TINAG: variants seen among roughly 807,000 people sequenced by gnomAD.
The protein encoded by TINAG is tubulointerstitial nephritis antigen.
TINAG carries 83 observed loss-of-function variants against 72.7 expected under a neutral mutation model. The observed-to-expected ratio is 1.14, with a 90% CI of 0.96 to 1.37. The LOEUF (loss-of-function observed/expected upper bound fraction) is 1.37. Ranked by LOEUF, TINAG falls within the 40% of genes most tolerant of loss-of-function variation. The probability of loss-of-function intolerance (pLI) is 0.00; values close to 1 mark genes in which losing one functional copy is unlikely to be tolerated. For synonymous variants in TINAG, 234 were observed against 189.9 expected (o/e 1.23, Z -1.91); for missense variants, 685 against 576.6 (o/e 1.19, Z -1.93).
intron 6 of TINAG, among the ~76,000 whole-genome samples, chr6:54,349,305 C>T (rs1439073915): frequency 2.0e-5 from 3 of 151,790 alleles, no homozygotes; most frequent in Admixed American, 6.6e-5. Flanking sequence ...TTTAATATCC[C>T]ATCTGGAAAT....
intron 9 of TINAG, among the ~76,000 whole-genome samples, chr6:54,367,895 T>C (rs1424898180): frequency 6.6e-6 from 1 of 151,780 alleles, no homozygotes; most frequent in Non-Finnish European, 1.5e-5. Context: ...TGTTCATAAA[T>C]GACTGTCTTG....
chr6:54,323,255 A>C (rs747088252), intron 3 of TINAG, among the ~76,000 whole-genome samples: 3 of 152,218 alleles, frequency 2.0e-5, no homozygotes, highest in Non-Finnish European at 4.4e-5. Flanking sequence ...ACATATAAAA[A>C]CCAAAGGAAA....
intron 9 of TINAG, among the ~76,000 whole-genome samples, chr6:54,371,991 T>TG (rs1554209023): frequency 2.1e-5 from 3 of 139,616 alleles, no homozygotes; most frequent in Non-Finnish European, 3.1e-5. Context: ...GTTTTTTTTT[T>TG]TTTTTTTTTT....
At chr6:54,380,156 C>CATTTTCTTT (rs1351859468) in intron 9 of TINAG, among the ~76,000 whole-genome samples, 37 of 152,116 alleles carry the variant, frequency 2.4e-4, no homozygotes, top group African/African-American at 8.9e-4. Context: ...ATATGTGCCA[C>CATTTTCTTT]ATTTTCTTTC....
intron 9 of TINAG, chr6:54,367,076 T>A (rs768318797): frequency 4.0e-5 from 6 of 151,814 alleles, no homozygotes; most frequent in Non-Finnish European, 7.4e-5. Flanking sequence ...TGTTTCTATA[T>A]TAACTTACAT....
intron 9 of TINAG, among the ~76,000 whole-genome samples, chr6:54,356,933 CA>C (rs1763061740): frequency 6.7e-6 from 1 of 150,208 alleles, no homozygotes; most frequent in South Asian, 2.1e-4. Flanking sequence ...AAAAAAACCT[CA>C]GCACTTTTTT....
chr6:54,330,478 C>T (rs1250603503), intron 4 of TINAG, among the ~76,000 whole-genome samples: 1 of 152,146 alleles, frequency 6.6e-6, no homozygotes, highest in Non-Finnish European at 1.5e-5. Flanking sequence ...AAATTTATAG[C>T]ATGTAATGTC....
At chr6:54,360,276 T>G (rs1225077997) in intron 9 of TINAG, among the ~76,000 whole-genome samples, 2 of 151,748 alleles carry the variant, frequency 1.3e-5, no homozygotes, top group Admixed American at 6.6e-5. Flanking sequence ...CATCCCCATT[T>G]TGAATGCTAT....
intron 4 of TINAG, among the ~76,000 whole-genome samples, chr6:54,341,335 G>A (rs966366068): frequency 2.0e-5 from 3 of 152,044 alleles, no homozygotes; most frequent in Admixed American, 1.3e-4. Flanking sequence ...AATGTATTCT[G>A]CCCCAACCCT....
chr6:54,309,201 C>T (rs186840487), intron 1 of TINAG, among the ~76,000 whole-genome samples: 99 of 152,200 alleles, frequency 6.5e-4, no homozygotes, highest in African/African-American at 2.2e-3. Flanking sequence ...ACTTTAAACT[C>T]TTTCTTCTGT....
At chr6:54,350,951 G>C (rs1785251219) in intron 7 of TINAG, among the ~76,000 whole-genome samples, 1 of 151,752 alleles carries the variant, frequency 6.6e-6, no homozygotes, top group African/African-American at 2.4e-5. Context: ...CCTCCCTACA[G>C]AGGGCTTCAT....
intron 3 of TINAG, among the ~76,000 whole-genome samples, chr6:54,322,947 A>G (rs1784525859): frequency 6.6e-6 from 1 of 152,252 alleles, no homozygotes; most frequent in Admixed American, 6.5e-5. Context: ...CTAGCTTTCC[A>G]CTGTTAACAA....
rs1784159733 is a variant in TINAG, at chr6:54,308,445, A to G, written c.-106A>G. ...AAGTAAAGGATCAGTTTCAGGGTTC[A>G]GGCTGAAGTGTCTTAATGACTAGAA... is the stretch of plus-strand genomic sequence containing the variant. On this transcript the variant is annotated 5_prime_UTR_variant, in exon 1 of 11. Transcript: ENST00000259782. 1 of 889,650 alleles carries G rather than the reference A, an allele frequency of 1.1e-6. No homozygotes were observed. The highest frequency in any genetic ancestry group is 2.8e-5 in the Admixed American group (1 of 35,798). The allele number at this position is 889,650 out of a possible 1,614,324, so 55.1% of individuals were successfully genotyped here. A position where few individuals can be genotyped will look rare whatever the true frequency, so the allele number is the denominator to read the frequency against.
intron 9 of TINAG, among the ~76,000 whole-genome samples, chr6:54,362,537 C>T (rs554176460): frequency 6.6e-6 from 1 of 151,600 alleles, no homozygotes; most frequent in African/African-American, 2.4e-5. Context: ...CACCTAAGAG[C>T]TCTGATGGAG....
intron 9 of TINAG, among the ~76,000 whole-genome samples, chr6:54,361,881 G>T (rs570753808): frequency 2.6e-4 from 39 of 151,724 alleles, no homozygotes; most frequent in African/African-American, 8.7e-4. Flanking sequence ...CTGGAAAGAA[G>T]ATCAAACAAG....
At chr6:54,347,279 A>G in intron 5 of TINAG, 88 bp from the exon 6 acceptor site, 2 of 1,314,796 alleles carry the variant, frequency 1.5e-6, no homozygotes, top group Non-Finnish European at 2.1e-6. Context: ...TTTAAAGACT[A>G]CGTTAGGGTT....
chr6:54,308,200 G>A (rs1217397020), upstream of TINAG: 59 of 1,349,868 alleles, frequency 4.4e-5, no homozygotes, highest in Middle Eastern at 1.8e-4. Flanking sequence ...GGAGGCTTTC[G>A]ATTTAAGAAC....
At chr6:54,323,757 C>T (rs969249961) in intron 3 of TINAG, among the ~76,000 whole-genome samples, 3 of 152,148 alleles carry the variant, frequency 2.0e-5, no homozygotes, top group Non-Finnish European at 4.4e-5. Context: ...AGTTTGAGAC[C>T]AGCCTGGCCA....
chr6:54,380,681 A>G, intron 10 of TINAG, 110 bp downstream of exon 10: 1 of 748,800 alleles, frequency 1.3e-6, no homozygotes, highest in Non-Finnish European at 2.1e-6. Context: ...GCTGTGTAAT[A>G]TTGTTGATAA....
Sources: allele counts gnomAD v4.1 joint callset (sites outside exome capture counted in the v4.1 genomes callset), GRCh38; gene constraint gnomAD v4.1.1; transcripts MANE v1.5; gene names NCBI Gene and HGNC (gene_info 2026-07-23, HGNC 2026-07-21).